Variants in PRKCZ observed in about 807,000 individuals in gnomAD.
The protein encoded by PRKCZ is protein kinase C zeta, also known as protein kinase C zeta type.
A neutral mutation model predicts 79.5 loss-of-function variants in PRKCZ; 33 were observed. The observed-to-expected ratio is 0.41, with a 90% confidence interval of 0.31 to 0.55. The LOEUF is 0.55. Among genes scored for constraint, PRKCZ ranks in the 20% least tolerant of loss-of-function variants. PRKCZ has a pLI of 0.19. For missense variants in PRKCZ, 578 were observed against 813.5 expected (o/e 0.71, Z 3.52); for synonymous variants, 342 against 320.9 (o/e 1.07, Z -0.70).
intron 4 of PRKCZ, among the ~76,000 whole-genome samples, chr1:2,078,798 G>A (rs934915880): frequency 5.9e-5 from 9 of 151,402 alleles, no homozygotes; most frequent in African/African-American, 1.9e-4. Context: ...TTAGTTTGTT[G>A]CCTTGTTCCC....
chr1:2,110,317 G>A (rs982808850), intron 4 of PRKCZ, among the ~76,000 whole-genome samples: 3 of 152,232 alleles, frequency 2.0e-5, no homozygotes, highest in East Asian at 1.9e-4. Flanking sequence ...TGCCTCCAGC[G>A]GGGGCCCCGG....
chr1:2,064,446 C>T lies in PRKCZ; in HGVS notation c.334+4855C>T, dbSNP rs574271705. 2.6e-5 allele frequency among the ~76,000 whole-genome samples: 4 copies of T among 152,248 alleles called. No individual in the cohort carries two copies. The South Asian group carries it at 6.2e-4, about 24-fold the overall frequency. On this transcript the variant is annotated intron_variant, in intron 4 of 17. Transcript: ENST00000378567. ...CACATCCAAGAAATCACTGCCAAAT[C>T]GAATGTTGTGAAGCTTTTCCCCTTC...
chr1:2,161,247 A>T (rs1682234162), intron 10 of PRKCZ, among the ~76,000 whole-genome samples: 1 of 152,216 alleles, frequency 6.6e-6, no homozygotes, highest in Non-Finnish European at 1.5e-5. Flanking sequence ...GTTGCCTAAA[A>T]TGGTAAAAGT....
intron 1 of PRKCZ, among the ~76,000 whole-genome samples, chr1:2,051,983 G>A (rs1336166711): frequency 6.6e-6 from 1 of 152,188 alleles, no homozygotes; most frequent in Non-Finnish European, 1.5e-5. Flanking sequence ...AGCCCTACCT[G>A]AAGAGGTAGG....
At chr1:2,124,765 C>T (rs1175122673) in intron 4 of PRKCZ, among the ~76,000 whole-genome samples, 1 of 152,046 alleles carries the variant, frequency 6.6e-6, no homozygotes, top group Non-Finnish European at 1.5e-5. Context: ...TCTGTGTGAC[C>T]TCCGAAGGGT....
intron 4 of PRKCZ, among the ~76,000 whole-genome samples, chr1:2,098,976 G>A (rs560609260): frequency 5.5e-4 from 83 of 152,262 alleles, no homozygotes; most frequent in African/African-American, 1.9e-3. Flanking sequence ...CCACCGCGCC[G>A]GGCCCAATAG....
intron 5 of PRKCZ, among the ~76,000 whole-genome samples, chr1:2,139,371 C>T (rs1398221602): frequency 1.3e-5 from 2 of 152,156 alleles, no homozygotes; most frequent in South Asian, 2.1e-4. Flanking sequence ...GGGTGGATCA[C>T]GAGGTCAGCA....
rs1005566436 is a variant in PRKCZ, at chr1:2,168,713, C to T, written c.975-805C>T. On this transcript the variant is annotated intron_variant, in intron 10 of 17. Transcript: ENST00000378567. This position sits in a 1 kb window ranked among gnomAD's most constrained non-coding sequence, Gnocchi z 4.7. ...GGCAGAGTCACCACACGCTTCCCTC[C>T]TTCACTCCCCGCTCCACGAGGGGCA... The T allele has an allele frequency of 4.5e-5, 8 of 177,788 alleles. No homozygotes were observed. The highest frequency in any genetic ancestry group is 9.7e-5 in the Non-Finnish European group (8 of 82,812). 11.0% of individuals were successfully genotyped at this position (177,788 alleles called of 1,614,324 possible).
At chr1:2,158,132 C>T (rs1039987793) in intron 10 of PRKCZ, among the ~76,000 whole-genome samples, 1 of 152,330 alleles carries the variant, frequency 6.6e-6, no homozygotes, top group Admixed American at 6.5e-5. Flanking sequence ...GCTCTACGTG[C>T]GGTGCCGTCC....
intron 4 of PRKCZ, chr1:2,074,724 A>G: frequency 4.6e-6 from 1 of 215,126 alleles, no homozygotes; most frequent in Non-Finnish European, 9.2e-6. Context: ...GGTGGCGAGG[A>G]GCGGGGCTGC....
chr1:2,063,932 G>A (rs964702798), intron 4 of PRKCZ, among the ~76,000 whole-genome samples: 6 of 146,192 alleles, frequency 4.1e-5, no homozygotes, highest in Admixed American at 1.4e-4. Flanking sequence ...TGCAATCTCC[G>A]CCTCCCAGAT....
intron 4 of PRKCZ, among the ~76,000 whole-genome samples, chr1:2,084,323 G>C (rs189331138): frequency 1.9e-4 from 29 of 152,308 alleles, no homozygotes; most frequent in African/African-American, 7.0e-4. Flanking sequence ...TAAGCGCAGT[G>C]GAAAATTCCC....
At chr1:2,104,073 A>AG (rs1553147262) in intron 4 of PRKCZ, among the ~76,000 whole-genome samples, 1 of 151,698 alleles carries the variant, frequency 6.6e-6, no homozygotes, top group Non-Finnish European at 1.5e-5. Flanking sequence ...AGAGCAGGGG[A>AG]GGGGGGTCTT....
At chr1:2,153,168 A>G (rs563299377) in intron 9 of PRKCZ, among the ~76,000 whole-genome samples, 1 of 152,366 alleles carries the variant, frequency 6.6e-6, no homozygotes, top group East Asian at 1.9e-4. Context: ...CTATCCTGGC[A>G]GGTGTGCAGT....
chr1:2,115,971 T>C (rs1244202779), intron 4 of PRKCZ, among the ~76,000 whole-genome samples: 4 of 152,230 alleles, frequency 2.6e-5, no homozygotes, highest in Admixed American at 2.6e-4. Context: ...GTCTCCTCTC[T>C]GGACCGTGGG....
intron 4 of PRKCZ, among the ~76,000 whole-genome samples, chr1:2,119,240 G>A (rs537927928): frequency 7.4e-6 from 1 of 135,908 alleles, no homozygotes; most frequent in East Asian, 2.1e-4. Context: ...TTGAGATGGA[G>A]TGTCACTCTT....
At chr1:2,071,862 G>T (rs949071397) in intron 4 of PRKCZ, among the ~76,000 whole-genome samples, 1 of 152,236 alleles carries the variant, frequency 6.6e-6, no homozygotes, top group Non-Finnish European at 1.5e-5. Context: ...GGGCCAGGTA[G>T]TTGAAGCCTG....
chr1:2,097,525 G>A (rs1666730315), intron 4 of PRKCZ, among the ~76,000 whole-genome samples: 2 of 152,212 alleles, frequency 1.3e-5, no homozygotes, highest in South Asian at 4.1e-4. Context: ...GACTGGCGTA[G>A]GCTTTCAAAC....
Position 2,082,664 on chromosome 1 carries a change from A to G in PRKCZ, c.334+23073A>G, listed in dbSNP as rs765745725. ...AAGGTGGAGTTGGGCAAGGGCGTACACGGTCGGCTTCTGAGAGTTGGTCCC... is the reference window on the plus strand; with the variant it reads ...AAGGTGGAGTTGGGCAAGGGCGTACGCGGTCGGCTTCTGAGAGTTGGTCCC... On this transcript the variant is annotated intron_variant, in intron 4 of 17. Transcript: ENST00000378567. This position sits in a 1 kb window ranked among gnomAD's most constrained non-coding sequence, Gnocchi z 4.4. Among the ~76,000 whole-genome samples, 178 of 152,266 alleles carry G rather than the reference A, an allele frequency of 1.2e-3. No homozygotes were observed. Among genetic ancestry groups the G allele is most frequent in the Non-Finnish European group, 2.3e-3 (157 of 68,026 alleles).
Sources: allele counts gnomAD v4.1 joint callset (sites outside exome capture counted in the v4.1 genomes callset), GRCh38; gene constraint gnomAD v4.1.1; non-coding constraint Gnocchi (gnomAD v3.1); transcripts MANE v1.5; gene names NCBI Gene and HGNC (gene_info 2026-07-23, HGNC 2026-07-21).